The following PRKN variants were observed in gnomAD, a reference collection of about 807,000 sequenced individuals.
PRKN encodes the protein E3 ubiquitin-protein ligase parkin.
Under a neutral mutation model 59.5 loss-of-function variants are expected in PRKN, and 56 were observed. The observed-to-expected ratio is 0.94, with a 90% confidence interval of 0.76 to 1.18. The LOEUF (loss-of-function observed/expected upper bound fraction) is 1.18, where lower values mean the gene tolerates loss of function less well. Among genes scored for constraint, PRKN ranks in the 50% most tolerant of loss-of-function variants. PRKN has a pLI of 0.00. For missense variants in PRKN, 657 were observed against 596.4 expected (o/e 1.10, Z -1.06); for synonymous variants, 250 against 222.1 (o/e 1.13, Z -1.12).
chr6:161,413,885 C>A lies in PRKN; in HGVS notation c.1084-27008G>T, dbSNP rs1787709089. Among the ~76,000 whole-genome samples, 1 of 152,122 alleles carries A rather than the reference C, an allele frequency of 6.6e-6. No individual in the cohort carries two copies. Among genetic ancestry groups the A allele is most frequent in the African/African-American group, 2.4e-5 (1 of 41,404 alleles). On this transcript the variant is annotated intron_variant, in intron 9 of 11. Transcript: ENST00000366898. The surrounding 1 kb of genome is among the most constrained non-coding windows in gnomAD (Gnocchi z 4.4). ...TGAAGTCAGGCAGGGTGAGCCTCAC[C>A]CAGCTGCTGTTCCTTTCTCTTTCCT...
chr6:161,367,557 C>T (rs1785259695), intron 10 of PRKN, among the ~76,000 whole-genome samples: 1 of 150,922 alleles, frequency 6.6e-6, no homozygotes, highest in Non-Finnish European at 1.5e-5. Context: ...TGTTATCTAA[C>T]TTAGAAGTCA....
intron 9 of PRKN, among the ~76,000 whole-genome samples, chr6:161,523,643 C>T (rs1392217502): frequency 6.6e-6 from 1 of 152,114 alleles, no homozygotes; most frequent in African/African-American, 2.4e-5. Flanking sequence ...GTCAAAAGTC[C>T]CTATTGCTAA....
intron 2 of PRKN, among the ~76,000 whole-genome samples, chr6:162,285,294 G>A (rs887613290): frequency 2.1e-5 from 2 of 93,632 alleles, no homozygotes; most frequent in Admixed American, 1.4e-4. Context: ...TTTTTTTTCC[G>A]AGAGGGCCTC....
At chr6:161,765,641 G>C (rs1789393859) in intron 7 of PRKN, among the ~76,000 whole-genome samples, 1 of 151,954 alleles carries the variant, frequency 6.6e-6, no homozygotes, top group Non-Finnish European at 1.5e-5. Flanking sequence ...CTTCTAAAGT[G>C]GTATATTAGG....
rs1320948304 is a variant in PRKN at position 161,546,005 on chromosome 6, G to A, written c.1083+2849C>T. On this transcript the variant is annotated intron_variant, in intron 9 of 11. Transcript: ENST00000366898. This position sits in a 1 kb window ranked among gnomAD's most constrained non-coding sequence, Gnocchi z 4.4. ...TTATTTGAAAGGCTAAAAATAGTAAGGTCTAGGTGCCCAGTTTCCTGCCGT... is the reference window on the plus strand; with the variant it reads ...TTATTTGAAAGGCTAAAAATAGTAAAGTCTAGGTGCCCAGTTTCCTGCCGT... Among the ~76,000 whole-genome samples the A allele has an allele frequency of 6.6e-6, 1 of 152,180 alleles. No individual in the cohort carries two copies. Among genetic ancestry groups the A allele is most frequent in the East Asian group, 1.9e-4 (1 of 5,192 alleles).
intron 1 of PRKN, among the ~76,000 whole-genome samples, chr6:162,450,002 A>G (rs2142524): frequency 0.34 from 51,582 of 152,150 alleles, 9,095 homozygotes; most frequent in Non-Finnish European, 0.4. Context: ...GTGGGCCAGC[A>G]GGCACTTTGG....
In PRKN at chr6:161,407,664, T is replaced by A. The variant is rs536849550; in HGVS notation, c.1084-20787A>T. 6.6e-6 allele frequency among the ~76,000 whole-genome samples: 1 copy of A among 152,140 alleles called. No individual in the cohort carries two copies. The highest frequency in any genetic ancestry group is 1.5e-5 in the Non-Finnish European group (1 of 68,024). On this transcript the variant is annotated intron_variant, in intron 9 of 11. Coordinates refer to ENST00000366898, the MANE Select transcript of PRKN (RefSeq NM_004562.3). This position sits in a 1 kb window ranked among gnomAD's most constrained non-coding sequence, Gnocchi z 4.9. ...TTATAACCCCTGTGACCTGCACATA[T>A]ACGTCCAGATGGCCTGCAGGAGCCA...
chr6:161,382,271 C>T (rs955298624), intron 10 of PRKN, among the ~76,000 whole-genome samples: 1 of 152,026 alleles, frequency 6.6e-6, no homozygotes, highest in Non-Finnish European at 1.5e-5. Context: ...GTGGGGAGGG[C>T]AGATGGCTTC....
intron 1 of PRKN, among the ~76,000 whole-genome samples, chr6:162,617,447 G>C (rs1782474501): frequency 6.6e-6 from 1 of 152,126 alleles, no homozygotes; most frequent in African/African-American, 2.4e-5. Flanking sequence ...GGCCAGGCTG[G>C]TCTTGAACTC....
At chr6:162,001,373 T>G (rs1782048931) in intron 5 of PRKN, among the ~76,000 whole-genome samples, 1 of 152,192 alleles carries the variant, frequency 6.6e-6, no homozygotes, top group South Asian at 2.1e-4. Context: ...TTTACCTAAA[T>G]ATTTCATTTT....
rs373853054 is a variant in PRKN at position 161,788,746 on chromosome 6, A to G, written c.735-2838T>C. Among the ~76,000 whole-genome samples, 187 of 152,342 alleles carry G rather than the reference A, an allele frequency of 1.2e-3. 6 individuals are homozygous for G. In the South Asian group the frequency reaches 0.038, roughly 31 times the overall value. On this transcript the variant is annotated intron_variant, in intron 6 of 11. Coordinates refer to ENST00000366898, the MANE Select transcript of PRKN (RefSeq NM_004562.3). ...TGTGGAATGCAACCGGGGAAGCTGG[A>G]ATGTTGTGTGTGTTTCTGCATGTCC...
intron 2 of PRKN, among the ~76,000 whole-genome samples, chr6:162,295,214 C>T (rs939980194): frequency 1.3e-5 from 2 of 152,162 alleles, no homozygotes; most frequent in African/African-American, 4.8e-5. Flanking sequence ...CATATGGAGG[C>T]TTTCTTCCTC....
At chr6:161,854,084 T>TAAA (rs34040894) in intron 6 of PRKN, among the ~76,000 whole-genome samples, 2,433 of 103,586 alleles carry the variant, frequency 0.023, 54 homozygotes, top group African/African-American at 0.073. Context: ...TGTTTCTACA[T>TAAA]AAAAAAAAAA....
intron 4 of PRKN, among the ~76,000 whole-genome samples, chr6:162,084,842 TA>T (rs1779190854): frequency 6.6e-6 from 1 of 151,882 alleles, no homozygotes; most frequent in Non-Finnish European, 1.5e-5. Flanking sequence ...ATAAAATAGG[TA>T]ATGATAATAT....
At chr6:161,721,750 C>T (rs1177257491) in intron 7 of PRKN, among the ~76,000 whole-genome samples, 2 of 152,116 alleles carry the variant, frequency 1.3e-5, no homozygotes, top group Non-Finnish European at 2.9e-5. Flanking sequence ...TGCTGCCTCC[C>T]TGGGTCATGG....
chr6:162,192,534 C>T, intron 4 of PRKN, among the ~76,000 whole-genome samples: 1 of 147,692 alleles, frequency 6.8e-6, no homozygotes, highest in South Asian at 2.2e-4. Flanking sequence ...CTCACTGCAC[C>T]CTTGACTTTC....
At chr6:162,337,482 T>C (rs770574864) in intron 2 of PRKN, among the ~76,000 whole-genome samples, 43 of 152,228 alleles carry the variant, frequency 2.8e-4, no homozygotes, top group Non-Finnish European at 5.0e-4. Context: ...TGTCACTACA[T>C]TAGCACGTAA....
Position 161,592,522 on chromosome 6 carries a change from G to A in PRKN, c.872-23106C>T, listed in dbSNP as rs569581535. On this transcript the variant is annotated intron_variant, in intron 7 of 11. Transcript: ENST00000366898. The surrounding 1 kb of genome is among the most constrained non-coding windows in gnomAD (Gnocchi z 4.8). ...ATATGGCACAAAATCCAAATGCCAG[G>A]AACTGGTCTAGATAAGAGGAATACA... Among the ~76,000 whole-genome samples, 121 of 152,156 alleles carry A rather than the reference G, an allele frequency of 8.0e-4. 1 individual carries two copies. The highest frequency in any genetic ancestry group is 2.8e-3 in the African/African-American group (118 of 41,526).
At chr6:162,341,075 A>G (rs6931596) in intron 2 of PRKN, among the ~76,000 whole-genome samples, 7,138 of 152,026 alleles carry the variant, frequency 0.047, 566 homozygotes, top group African/African-American at 0.17. Flanking sequence ...TTACAAGGGA[A>G]AAAAAAACAT....
Sources: gnomAD v4.1 joint callset for allele counts (sites outside exome capture counted in the v4.1 genomes callset) on GRCh38, gnomAD v4.1.1 for gene constraint, Gnocchi (gnomAD v3.1) non-coding constraint, MANE v1.5 for transcripts, NCBI Gene and HGNC (gene_info 2026-07-23, HGNC 2026-07-21) for gene names.